The following AKAP19 variants were observed in gnomAD, a reference collection of about 807,000 sequenced individuals.
AKAP19 encodes the protein A-kinase anchoring protein 19.
At chr2:190,032,119 CT>C in the AKAP19 span, among the ~76,000 whole-genome samples, 1 of 151,848 alleles carries the variant, frequency 6.6e-6, no homozygotes, top group South Asian at 2.1e-4. Context: ...GTTATTTTTC[CT>C]TTTCTTCCAC....
At chr2:190,062,811 C>CA in the AKAP19 span, 2 of 523,654 alleles carry the variant, frequency 3.8e-6, no homozygotes, top group African/African-American at 3.9e-5. Context: ...GGCTCTTGCT[C>CA]CACAATGAAT....
the AKAP19 span, among the ~76,000 whole-genome samples, chr2:190,155,005 G>T: frequency 6.6e-6 from 1 of 152,198 alleles, no homozygotes; most frequent in South Asian, 2.1e-4. Context: ...TGCACTGGAA[G>T]AGAAAGCCAG....
the AKAP19 span, among the ~76,000 whole-genome samples, chr2:190,082,035 T>G: frequency 6.6e-6 from 1 of 152,186 alleles, no homozygotes; most frequent in Non-Finnish European, 1.5e-5. Flanking sequence ...TTTTACCTGG[T>G]AAGAGACCAC....
chr2:190,139,008 G>C, the AKAP19 span, among the ~76,000 whole-genome samples: 1 of 113,424 alleles, frequency 8.8e-6, no homozygotes, highest in African/African-American at 3.0e-5. Flanking sequence ...ACAAGCCTTT[G>C]TGGATTACTA....
chr2:189,939,310 C>A, the AKAP19 span, among the ~76,000 whole-genome samples: 1 of 152,120 alleles, frequency 6.6e-6, no homozygotes. Context: ...TCCTGCAGGA[C>A]CTTCCCAATT....
At chr2:190,111,346 T>A in the AKAP19 span, among the ~76,000 whole-genome samples, 2 of 152,176 alleles carry the variant, frequency 1.3e-5, no homozygotes, top group Non-Finnish European at 2.9e-5. Context: ...ATACTGGGAC[T>A]CAGTAATCAA....
chr2:189,975,889 C>A, the AKAP19 span, among the ~76,000 whole-genome samples: 2 of 152,124 alleles, frequency 1.3e-5, no homozygotes, highest in African/African-American at 4.8e-5. Flanking sequence ...TTCGTCTAAT[C>A]TTTTTTCAAG....
the AKAP19 span, among the ~76,000 whole-genome samples, chr2:190,168,672 C>CTT: frequency 6.6e-6 from 1 of 152,212 alleles, no homozygotes; most frequent in Non-Finnish European, 1.5e-5. Context: ...TAAATCATCT[C>CTT]TTTCAAGTTC....
At chr2:190,081,458 C>T in the AKAP19 span, among the ~76,000 whole-genome samples, 4 of 152,072 alleles carry the variant, frequency 2.6e-5, no homozygotes, top group Admixed American at 2.0e-4. Context: ...ATTCTTTTCC[C>T]CTGAAAATTA....
At chr2:190,060,018 A>G in the AKAP19 span, 2 of 1,582,746 alleles carry the variant, frequency 1.3e-6, no homozygotes, top group African/African-American at 2.7e-5. Context: ...TATTATGAAT[A>G]AAAACATAAG....
chr2:190,039,004 T>TTCTTCCTCTTCC, the AKAP19 span, among the ~76,000 whole-genome samples: 59 of 117,882 alleles, frequency 5.0e-4, no homozygotes, highest in African/African-American at 2.4e-3. Flanking sequence ...TCTTCTCTTC[T>TTCTTCCTCTTCC]TCTTCCTCTT....
chr2:189,999,991 T>TA, the AKAP19 span, among the ~76,000 whole-genome samples: 1 of 152,222 alleles, frequency 6.6e-6, no homozygotes, highest in African/African-American at 2.4e-5. Context: ...TATGGGTATA[T>TA]ACTGATTTGC....
chr2:190,042,213 C>T, the AKAP19 span, among the ~76,000 whole-genome samples: 1 of 152,100 alleles, frequency 6.6e-6, no homozygotes, highest in Admixed American at 6.5e-5. Flanking sequence ...TTGGTCTGTT[C>T]AGGGAATCAG....
the AKAP19 span, among the ~76,000 whole-genome samples, chr2:190,104,171 T>C: frequency 6.6e-6 from 1 of 152,198 alleles, no homozygotes; most frequent in African/African-American, 2.4e-5. Flanking sequence ...CATTTCACCA[T>C]ATACAAAAAT....
chr2:190,044,789 C>G, the AKAP19 span, among the ~76,000 whole-genome samples: 1 of 152,216 alleles, frequency 6.6e-6, no homozygotes, highest in Admixed American at 6.5e-5. Flanking sequence ...CCAGGGAAGG[C>G]TGTGAAACAG....
the AKAP19 span, among the ~76,000 whole-genome samples, chr2:190,178,882 C>T: frequency 1.3e-5 from 2 of 152,116 alleles, no homozygotes; most frequent in African/African-American, 2.4e-5. The surrounding 1 kb of genome is among the most constrained non-coding windows in gnomAD (Gnocchi z 6.3). Flanking sequence ...CAAGAACTGA[C>T]GCCATCCCCT....
chr2:190,012,273 C>G, the AKAP19 span, among the ~76,000 whole-genome samples: 1 of 149,828 alleles, frequency 6.7e-6, no homozygotes, highest in Non-Finnish European at 1.5e-5. Context: ...CACAGTCACA[C>G]ACCACCACAC....
chr2:189,942,716 G>T, the AKAP19 span, among the ~76,000 whole-genome samples: 1 of 152,238 alleles, frequency 6.6e-6, no homozygotes, highest in Admixed American at 6.5e-5. Context: ...AGATGGAAAT[G>T]AGGAACTTAT....
At chr2:189,993,404 A>G in the AKAP19 span, among the ~76,000 whole-genome samples, 1 of 152,214 alleles carries the variant, frequency 6.6e-6, no homozygotes, top group Non-Finnish European at 1.5e-5. Context: ...ATGCTATTAG[A>G]TTCAGTTAGC....
Sources: gnomAD v4.1 joint callset for allele counts (sites outside exome capture counted in the v4.1 genomes callset) on GRCh38, gnomAD v4.1.1 for gene constraint, Gnocchi (gnomAD v3.1) non-coding constraint, MANE v1.5 for transcripts, NCBI Gene and HGNC (gene_info 2026-07-23, HGNC 2026-07-21) for gene names.